NEK4: variants seen among roughly 807,000 people sequenced by gnomAD.
The protein encoded by NEK4 is serine/threonine-protein kinase Nek4.
In NEK4, 86 loss-of-function variants were observed where a neutral mutation model predicts 98.4. The ratio of observed to expected loss-of-function variants is 0.87; its 90% CI spans 0.73 to 1.05. The LOEUF is 1.05. Ranked by LOEUF, NEK4 falls within the 50% of genes least tolerant of loss-of-function variation. The pLI is 0.00. For missense variants in NEK4, 898 were observed against 950.3 expected (o/e 0.94, Z 0.72); for synonymous variants, 328 against 342.2 (o/e 0.96, Z 0.46).
rs1290620989 is a variant in NEK4, at chr3:52,766,006, A to T, written c.559-12T>A. The T allele has an allele frequency of 6.4e-7, 1 of 1,561,180 alleles. No individual in the cohort carries two copies. Among genetic ancestry groups the T allele is most frequent in the Admixed American group, 1.7e-5 (1 of 58,936 alleles). On this transcript the variant is annotated splice_polypyrimidine_tract_variant and intron_variant, in intron 3 of 15. Transcript: ENST00000233027. Reference sequence around the variant, plus strand: ...GCCCAAACATCAGACTAGAAAATAAAAACAGTAAACGGTTAAATGTCAGAA... The same window carrying T: ...GCCCAAACATCAGACTAGAAAATAATAACAGTAAACGGTTAAATGTCAGAA...
chr3:52,739,709 C>G (rs578106371), intron 13 of NEK4, 75 bp from the exon 14 acceptor site: 1 of 1,304,458 alleles, frequency 7.7e-7, no homozygotes, highest in East Asian at 2.3e-5. Context: ...ACGTGCAAAA[C>G]GACCTTTCGG....
rs747456105 is a variant in NEK4, at chr3:52,763,441, C to A, written c.821+29G>T. On this transcript the variant is annotated intron_variant, in intron 5 of 15. Transcript: ENST00000233027. The stretch of plus-strand genomic sequence containing the variant: ...ACCCTCTTTCACCCCATCTATTTAG[C>A]CCAGCTATTTGCAAGGGAAGTATCT... 3 of 1,598,930 alleles carry A rather than the reference C, an allele frequency of 1.9e-6. No homozygotes were observed. In the Admixed American group the frequency reaches 5.2e-5, roughly 28 times the overall value.
chr3:52,713,454 T>C (rs1282583733), intron 15 of NEK4, among the ~76,000 whole-genome samples: 7 of 137,786 alleles, frequency 5.1e-5, no homozygotes, highest in Non-Finnish European at 1.2e-4. Flanking sequence ...AATAAATTAT[T>C]CTATGCTGCA....
intron 7 of NEK4, among the ~76,000 whole-genome samples, chr3:52,750,322 C>A (rs554644512): frequency 6.6e-6 from 1 of 152,154 alleles, no homozygotes; most frequent in South Asian, 2.1e-4. Context: ...CCAAGGCAGG[C>A]GATTCACTTG....
Position 52,751,790 on chromosome 3 carries a change from G to T in NEK4, c.1368+142C>A, listed in dbSNP as rs2097405538. 6.0e-6 allele frequency: 5 copies of T among 839,342 alleles called. No individual in the cohort carries two copies. The Admixed American group carries it at 1.1e-4, about 19-fold the overall frequency. 52.0% of individuals were successfully genotyped at this position (839,342 alleles called of 1,614,324 possible). A position where few individuals can be genotyped will look rare whatever the true frequency, so the allele number is the denominator to read the frequency against. On this transcript the variant is annotated intron_variant, in intron 7 of 15. Coordinates refer to ENST00000233027, the MANE Select transcript of NEK4 (RefSeq NM_003157.6). ...TTATAGGGTACTGGGTTTCTTTTTG[G>T]TTTGATGCAAATATTCTTCTATGTT...
At chr3:52,770,068 T>A (rs532684458) in intron 1 of NEK4, among the ~76,000 whole-genome samples, 108 of 152,186 alleles carry the variant, frequency 7.1e-4, no homozygotes, top group Admixed American at 9.8e-4. Context: ...ATGAATATAA[T>A]CAGTGTTGGG....
chr3:52,713,705 A>G (rs956261405), intron 15 of NEK4, among the ~76,000 whole-genome samples: 3 of 151,888 alleles, frequency 2.0e-5, no homozygotes, highest in Non-Finnish European at 2.9e-5. Context: ...GAGGCGGAAG[A>G]ATCGCTTGAA....
chr3:52,750,753 C>G (rs1342214901), intron 7 of NEK4, among the ~76,000 whole-genome samples: 1 of 150,984 alleles, frequency 6.6e-6, no homozygotes, highest in African/African-American at 2.4e-5. Context: ...ATGGCCATGG[C>G]AAGGCCCCAT....
chr3:52,769,212 ACT>A (rs1378504557), intron 1 of NEK4, among the ~76,000 whole-genome samples: 2 of 151,996 alleles, frequency 1.3e-5, no homozygotes, highest in African/African-American at 4.8e-5. Flanking sequence ...GCAGAGCAAG[ACT>A]CTGTCTCAAA....
chr3:52,730,931 C>A (rs1261419521), intron 15 of NEK4, among the ~76,000 whole-genome samples: 3 of 152,046 alleles, frequency 2.0e-5, no homozygotes, highest in Non-Finnish European at 4.4e-5. Context: ...TTCAGTTTTG[C>A]AACATGAAAA....
rs1418652913 is a variant in NEK4 at position 52,765,857 on chromosome 3, C to T, written c.666+30G>A. On this transcript the variant is annotated intron_variant, in intron 4 of 15. Coordinates refer to ENST00000233027, the MANE Select transcript of NEK4 (RefSeq NM_003157.6). ...TTTATAAAGCTGCACTATAGAAATA[C>T]TGGTCAATTAGTTCTAGATTATTCT... The T allele has an allele frequency of 3.8e-6, 5 of 1,331,332 alleles. No homozygotes were observed. In the South Asian group the frequency reaches 4.8e-5, roughly 13 times the overall value. The allele number at this position is 1,331,332 out of a possible 1,614,324, so 82.5% of individuals were successfully genotyped here.
intron 15 of NEK4, among the ~76,000 whole-genome samples, chr3:52,712,403 T>C (rs2097351321): frequency 6.6e-6 from 1 of 152,120 alleles, no homozygotes; most frequent in Admixed American, 6.5e-5. Context: ...TCTGACCCCA[T>C]GGTAGTGTCT....
At position 52,731,890 on chromosome 3, in the gene NEK4, C is replaced by T. The variant is rs13061734; in HGVS notation, c.2433+5696G>A. Among the ~76,000 whole-genome samples, 879 of 152,300 alleles carry T rather than the reference C, an allele frequency of 5.8e-3. 1 individual carries two copies. Among genetic ancestry groups the T allele is most frequent in the Middle Eastern group, 0.014 (4 of 292 alleles). On this transcript the variant is annotated intron_variant, in intron 15 of 15. Transcript: ENST00000233027. ...GCGGGAGGTAAGTGAATCATGGGGA[C>T]GGGTTTTCCCATGCGGTTCTCATGA...
Position 52,770,916 on chromosome 3 carries a change from A to T in NEK4, c.-170T>A, listed in dbSNP as rs1698763487. The T allele has an allele frequency of 4.9e-6, 3 of 615,930 alleles. No homozygotes were observed. The highest frequency in any genetic ancestry group is 5.6e-5 in the East Asian group (2 of 35,926). 38.2% of individuals were successfully genotyped at this position (615,930 alleles called of 1,614,324 possible). A position where few individuals can be genotyped will look rare whatever the true frequency, so the allele number is the denominator to read the frequency against. On this transcript the variant is annotated 5_prime_UTR_variant, in exon 1 of 16. Coordinates refer to ENST00000233027, the MANE Select transcript of NEK4 (RefSeq NM_003157.6). Reference sequence around the variant, plus strand: ...CGGCCCGCGACGACGCCGCTGCCATAGCGATCCGGGCCGGGAGCAGTTCTG... The same window carrying T: ...CGGCCCGCGACGACGCCGCTGCCATTGCGATCCGGGCCGGGAGCAGTTCTG...
chr3:52,729,632 C>T (rs562128606), intron 15 of NEK4, among the ~76,000 whole-genome samples: 84 of 149,106 alleles, frequency 5.6e-4, no homozygotes, highest in Non-Finnish European at 1.0e-3. Context: ...CGCTTGAACC[C>T]GGGAGACGGT....
chr3:52,757,683 A>G (rs550269640), intron 6 of NEK4, among the ~76,000 whole-genome samples: 2 of 152,400 alleles, frequency 1.3e-5, no homozygotes, highest in Admixed American at 1.3e-4. Context: ...CTGCAGATGA[A>G]CCAGATAAAC....
At chr3:52,728,174 A>C (rs1578631986) in intron 15 of NEK4, among the ~76,000 whole-genome samples, 1 of 152,228 alleles carries the variant, frequency 6.6e-6, no homozygotes, top group Admixed American at 6.5e-5. Flanking sequence ...AGGGTTCAAG[A>C]CCAGCCTAGG....
In NEK4 at chr3:52,710,832, A is replaced by G. The variant is rs2097349690; in HGVS notation, c.*945T>C. On this transcript the variant is annotated 3_prime_UTR_variant, in exon 16 of 16. Coordinates refer to ENST00000233027, the MANE Select transcript of NEK4 (RefSeq NM_003157.6). ...AGAGTCCCTCGAATACAGAAGTGAA[A>G]ATGTACTATTCAAGACTTGTATTTA... 6.6e-6 allele frequency: 1 copy of G among 152,244 alleles called. No homozygotes were observed. The allele number at this position is 152,244 out of a possible 1,614,324, so 9.4% of individuals were successfully genotyped here. A position where few individuals can be genotyped will look rare whatever the true frequency, so the allele number is the denominator to read the frequency against.
At chr3:52,742,741 G>A (rs1409706388) in intron 12 of NEK4, among the ~76,000 whole-genome samples, 5 of 152,166 alleles carry the variant, frequency 3.3e-5, no homozygotes, top group Non-Finnish European at 7.3e-5. Flanking sequence ...ATTGAGCAAA[G>A]TGCTGCCTAG....
Sources: gnomAD v4.1 joint callset for allele counts (sites outside exome capture counted in the v4.1 genomes callset) on GRCh38, gnomAD v4.1.1 for gene constraint, MANE v1.5 for transcripts, NCBI Gene and HGNC (gene_info 2026-07-23, HGNC 2026-07-21) for gene names.